Variants in AP3S2 observed in about 807,000 individuals in gnomAD.
The protein encoded by AP3S2 is AP-3 complex subunit sigma-2.
A neutral mutation model predicts 23.4 loss-of-function variants in AP3S2; 22 were observed. The observed-to-expected ratio is 0.94, with a 90% CI of 0.67 to 1.34. AP3S2 has a LOEUF of 1.34. AP3S2 is among the 40% of genes most tolerant of loss of function. AP3S2 has a pLI of 0.00. For missense variants in AP3S2, 241 were observed against 236.9 expected (o/e 1.02, Z -0.11); for synonymous variants, 86 against 87.1 (o/e 0.99, Z 0.07).
At chr15:89,858,498 AGAGAGAGAGAG>A (rs1567178718) in intron 4 of AP3S2, among the ~76,000 whole-genome samples, 111 of 55,986 alleles carry the variant, frequency 2.0e-3, no homozygotes, top group African/African-American at 6.7e-3. Flanking sequence ...AAAGAAAGAG[AGAGAGAGAGAG>A]AGAGAGAGAG....
intron 4 of AP3S2, among the ~76,000 whole-genome samples, chr15:89,852,024 A>C (rs1464355929): frequency 1.3e-5 from 2 of 152,184 alleles, no homozygotes; most frequent in Non-Finnish European, 2.9e-5. Flanking sequence ...TAGGATGTCA[A>C]AGCAGGCGGG....
At position 89,832,893 on chromosome 15, in the gene AP3S2, T is replaced by C. The variant is rs912749623; in HGVS notation, c.*2622A>G. The stretch of plus-strand genomic sequence containing the variant: ...TCAAGTAGTTAATGAAAAATTATTG[T>C]GGCTTGTCCAAAGGGATTGAGTTTT... On this transcript the variant is annotated 3_prime_UTR_variant, in exon 6 of 6. Coordinates refer to ENST00000336418, the MANE Select transcript of AP3S2 (RefSeq NM_005829.5). 4.6e-5 allele frequency: 7 copies of C among 152,228 alleles called. No individual in the cohort carries two copies. Among genetic ancestry groups the C allele is most frequent in the African/African-American group, 1.7e-4 (7 of 41,462 alleles). 9.4% of individuals were successfully genotyped at this position (152,228 alleles called of 1,614,324 possible).
At chr15:89,841,346 C>T (rs8028733) in intron 4 of AP3S2, among the ~76,000 whole-genome samples, 15 of 152,158 alleles carry the variant, frequency 9.9e-5, no homozygotes, top group African/African-American at 3.4e-4. Context: ...GGTGAAAAAG[C>T]TGTCAAAAGC....
chr15:89,835,590 G>T lies in AP3S2; in HGVS notation c.507C>A (p.Asn169Lys). Reference protein sequence around the residue: ...ARAVSAVKNINLPEIPRNINI... With the variant: ...ARAVSAVKNIKLPEIPRNINI... ...TGATGTTCCGAGGAATCTCTGGCAG[G>T]TTGATGTTTTTCACAGCAGACACAG... Residue 169 changes from asparagine (N) to lysine (K), a missense_variant, in exon 6 of 6, where the codon AAC becomes AAA. Transcript: ENST00000336418. The T allele has an allele frequency of 6.2e-7, 1 of 1,613,604 alleles. No individual in the cohort carries two copies. The highest frequency in any genetic ancestry group is 8.5e-7 in the Non-Finnish European group (1 of 1,179,932).
chr15:89,869,129 G>A lies in AP3S2; in HGVS notation c.345+2346C>T, dbSNP rs1478744657. Among the ~76,000 whole-genome samples the A allele has an allele frequency of 1.9e-4, 29 of 152,276 alleles. 1 individual carries two copies. Among genetic ancestry groups the A allele is most frequent in the African/African-American group, 7.0e-4 (29 of 41,548 alleles). On this transcript the variant is annotated intron_variant, in intron 4 of 5. Transcript: ENST00000336418. ...CAATGGCGGCTTTGTGGAACAGAAA[G>A]GCGGGAAAGGTGGGGAAAAGATTGA...
At chr15:89,866,407 G>A (rs1330186538) in intron 4 of AP3S2, among the ~76,000 whole-genome samples, 1 of 151,948 alleles carries the variant, frequency 6.6e-6, no homozygotes, top group Non-Finnish European at 1.5e-5. Context: ...AGCACCTACA[G>A]CTGTCTTCTC....
chr15:89,843,523 AGCTACTCAGGAG>A (rs1653923890), intron 4 of AP3S2, among the ~76,000 whole-genome samples: 1 of 152,096 alleles, frequency 6.6e-6, no homozygotes, highest in African/African-American at 2.4e-5. Flanking sequence ...CTGTAATCCC[AGCTACTCAGGAG>A]GCTGAGGCAG....
intron 1 of AP3S2, among the ~76,000 whole-genome samples, chr15:89,892,702 C>A (rs928326676): frequency 6.6e-6 from 1 of 152,124 alleles, no homozygotes; most frequent in South Asian, 2.1e-4. Flanking sequence ...CTCGCTCTTT[C>A]GCCCAGGCTG....
chr15:89,879,026 G>A (rs1004049152), intron 3 of AP3S2, among the ~76,000 whole-genome samples: 6 of 152,226 alleles, frequency 3.9e-5, no homozygotes, highest in Non-Finnish European at 7.3e-5. Flanking sequence ...GATTACGGGC[G>A]TGGGCCGCCG....
intron 3 of AP3S2, among the ~76,000 whole-genome samples, chr15:89,880,657 G>C (rs1168308557): frequency 7.3e-6 from 1 of 136,424 alleles, no homozygotes; most frequent in African/African-American, 2.8e-5. Flanking sequence ...CTGGGCAACA[G>C]AGCAAGACTC....
At chr15:89,860,024 C>T (rs1338381368) in intron 4 of AP3S2, among the ~76,000 whole-genome samples, 1 of 152,120 alleles carries the variant, frequency 6.6e-6, no homozygotes, top group Non-Finnish European at 1.5e-5. Flanking sequence ...TTGGCCCTCC[C>T]AAAGTGCTGG....
intron 4 of AP3S2, among the ~76,000 whole-genome samples, chr15:89,857,995 A>G (rs953020462): frequency 4.6e-5 from 7 of 152,232 alleles, no homozygotes; most frequent in Non-Finnish European, 8.8e-5. Flanking sequence ...AACTACAGTC[A>G]GCAGACACAC....
intron 4 of AP3S2, among the ~76,000 whole-genome samples, chr15:89,870,227 A>G (rs1896286529): frequency 6.6e-6 from 1 of 152,112 alleles, no homozygotes; most frequent in Admixed American, 6.5e-5. Context: ...TCTTTAACAT[A>G]TGAAAAGTAC....
At chr15:89,846,759 C>G (rs1596191018) in intron 4 of AP3S2, among the ~76,000 whole-genome samples, 1 of 152,182 alleles carries the variant, frequency 6.6e-6, no homozygotes, top group Non-Finnish European at 1.5e-5. Flanking sequence ...ATCTCCTGAC[C>G]TTGTGATCCG....
rs185766273 is a variant in AP3S2 at position 89,831,175 on chromosome 15, A to G, written c.*4340T>C. 9.2e-5 allele frequency: 14 copies of G among 152,352 alleles called. No homozygotes were observed. The highest frequency in any genetic ancestry group is 3.4e-4 in the African/African-American group (14 of 41,576). The allele number at this position is 152,352 out of a possible 1,614,324, so 9.4% of individuals were successfully genotyped here. On this transcript the variant is annotated 3_prime_UTR_variant, in exon 6 of 6. Coordinates refer to ENST00000336418, the MANE Select transcript of AP3S2 (RefSeq NM_005829.5). ...ATCATTTTCATGGAACTGCTTCCCTATAGGGGCCTGTTTTCGTATCTGCCA... is the reference window on the plus strand; with the variant it reads ...ATCATTTTCATGGAACTGCTTCCCTGTAGGGGCCTGTTTTCGTATCTGCCA...
intron 4 of AP3S2, among the ~76,000 whole-genome samples, chr15:89,864,730 C>G (rs1269210789): frequency 6.6e-6 from 1 of 152,012 alleles, no homozygotes; most frequent in Non-Finnish European, 1.5e-5. Context: ...TTAGTAGAGA[C>G]AAGGTTTCAC....
intron 4 of AP3S2, among the ~76,000 whole-genome samples, chr15:89,850,358 C>G (rs1895616751): frequency 6.6e-6 from 1 of 152,170 alleles, no homozygotes; most frequent in African/African-American, 2.4e-5. Flanking sequence ...ATGAATGAAT[C>G]CAGTGGAGCC....
At chr15:89,867,530 C>A (rs1183313252) in intron 4 of AP3S2, among the ~76,000 whole-genome samples, 2 of 139,742 alleles carry the variant, frequency 1.4e-5, no homozygotes, top group African/African-American at 5.4e-5. Flanking sequence ...AAGTGAGGAG[C>A]GTCTGCGCCC....
intron 4 of AP3S2, among the ~76,000 whole-genome samples, chr15:89,851,324 T>C (rs1377531639): frequency 6.6e-6 from 1 of 152,038 alleles, no homozygotes; most frequent in Non-Finnish European, 1.5e-5. Flanking sequence ...TTATTCTTCA[T>C]GCTCTACTAA....
Sources: gnomAD v4.1 joint callset for allele counts (sites outside exome capture counted in the v4.1 genomes callset) on GRCh38, gnomAD v4.1.1 for gene constraint, MANE v1.5 for transcripts, NCBI Gene and HGNC (gene_info 2026-07-23, HGNC 2026-07-21) for gene names.